Variants in KTN1 observed in about 807,000 individuals in gnomAD.
KTN1 encodes kinectin 1, also known as kinectin.
A neutral mutation model predicts 222.5 loss-of-function variants in KTN1; 130 were observed. The ratio of observed to expected loss-of-function variants is 0.58; its 90% CI spans 0.51 to 0.68. The LOEUF is 0.68. Ranked by LOEUF, KTN1 falls within the 30% of genes least tolerant of loss-of-function variation. KTN1 has a pLI of 0.00. For missense variants in KTN1, 1,508 were observed against 1,500.4 expected (o/e 1.01, Z -0.08); for synonymous variants, 512 against 496.3 (o/e 1.03, Z -0.42).
intron 12 of KTN1, among the ~76,000 whole-genome samples, chr14:55,638,957 T>C (rs2041450698): frequency 6.6e-6 from 1 of 151,840 alleles, no homozygotes. Flanking sequence ...TCAACTTGTT[T>C]TATTCTAAAT....
intron 31 of KTN1, among the ~76,000 whole-genome samples, chr14:55,660,333 G>C (rs952541551): frequency 6.7e-6 from 1 of 149,700 alleles, no homozygotes; most frequent in Non-Finnish European, 1.5e-5. Flanking sequence ...CTCCAGCCTG[G>C]CACCAAGAAA....
chr14:55,653,742 G>T (rs376855978), intron 28 of KTN1, 146 bp downstream of exon 28: 45 of 563,662 alleles, frequency 8.0e-5, no homozygotes, highest in African/African-American at 6.8e-4. Flanking sequence ...AATAGGCTAA[G>T]TCTCTGTTGG....
chr14:55,675,286 T>C (rs1444178193), intron 40 of KTN1: 1 of 152,262 alleles, frequency 6.6e-6, no homozygotes, highest in Non-Finnish European at 1.5e-5. Flanking sequence ...GGGTTATTCA[T>C]AGGTATATCG....
intron 43 of KTN1, 98 bp from the exon 44 acceptor site, chr14:55,684,001 C>T: frequency 2.0e-6 from 2 of 1,002,774 alleles, no homozygotes; most frequent in South Asian, 1.6e-5. Context: ...CATGCTAGAT[C>T]AAATGGAATA....
intron 1 of KTN1, among the ~76,000 whole-genome samples, chr14:55,607,138 T>C (rs1469250228): frequency 6.6e-6 from 1 of 152,194 alleles, no homozygotes; most frequent in African/African-American, 2.4e-5. Context: ...TTCTTTGTTA[T>C]ATTAATATAA....
chr14:55,667,955 G>A (rs1338921208), intron 34 of KTN1: 10 of 150,472 alleles, frequency 6.6e-5, no homozygotes. Flanking sequence ...GTAGAGAGAC[G>A]AGCATAATGA....
chr14:55,665,641 A>G (rs1055328496), intron 33 of KTN1, among the ~76,000 whole-genome samples: 77 of 152,178 alleles, frequency 5.1e-4, no homozygotes, highest in African/African-American at 1.7e-3. Flanking sequence ...AGGATGATAT[A>G]TGCTGTCTTT....
At position 55,646,982 on chromosome 14, in the gene KTN1, G is replaced by C; in HGVS notation, c.2182G>C (p.Asp728His). The change falls in exon 19 of 44, where the codon GAT (aspartate) becomes CAT (histidine). Residue 728 changes from aspartate to histidine, a missense_variant. By Grantham distance (81) the Asp-to-His change is moderately conservative (BLOSUM62 -1). Coordinates refer to ENST00000395314, the MANE Select transcript of KTN1 (RefSeq NM_001079521.2). The stretch of plus-strand genomic sequence containing the variant: ...GTGATTTTTATTTTAGCCTAATAAG[G>C]ATGTTGTGGAACAAATGGAAAAATG... ...QTLVSEQPNKDVVEQMEKCIQ... is the reference protein window; with the variant it reads ...QTLVSEQPNKHVVEQMEKCIQ... The C allele has an allele frequency of 2.0e-6, 3 of 1,534,610 alleles. No homozygotes were observed. Among genetic ancestry groups the C allele is most frequent in the Non-Finnish European group, 2.7e-6 (3 of 1,110,844 alleles).
intron 1 of KTN1, among the ~76,000 whole-genome samples, chr14:55,609,539 T>A (rs1462383953): frequency 6.6e-6 from 1 of 152,116 alleles, no homozygotes; most frequent in African/African-American, 2.4e-5. Context: ...AACTAGAAAA[T>A]CATTAAAACA....
intron 29 of KTN1, among the ~76,000 whole-genome samples, chr14:55,656,689 A>T (rs2043514895): frequency 6.6e-6 from 1 of 151,498 alleles, no homozygotes; most frequent in African/African-American, 2.4e-5. Context: ...CTGGTCTCGA[A>T]CTCCTGACCT....
Position 55,672,609 on chromosome 14 carries a change from T to A in KTN1, c.3532-21T>A, listed in dbSNP as rs760216933. 1.1e-5 allele frequency: 17 copies of A among 1,523,812 alleles called. No homozygotes were observed. In the East Asian group the frequency reaches 3.6e-4, roughly 32 times the overall value. 94.4% of individuals were successfully genotyped at this position (1,523,812 alleles called of 1,614,324 possible). The stretch of plus-strand genomic sequence containing the variant: ...TATCCTTGGTGGTTTTACTTGGCCA[T>A]GTAATTGTTTCACATTTCAGATGCA... On this transcript the variant is annotated intron_variant, in intron 37 of 43. Coordinates refer to ENST00000395314, the MANE Select transcript of KTN1 (RefSeq NM_001079521.2).
chr14:55,652,607 G>T lies in KTN1; in HGVS notation c.2604-243G>T, dbSNP rs191527940. ...GTAGAGACGGGGTTTCACCGTGTTA[G>T]CCAGGATGGTCTTGATCTCCTGACC... On this transcript the variant is annotated intron_variant, in intron 25 of 43. Coordinates refer to ENST00000395314, the MANE Select transcript of KTN1 (RefSeq NM_001079521.2). 2.0e-3 allele frequency among the ~76,000 whole-genome samples: 298 copies of T among 152,218 alleles called. 2 individuals carry two copies. The highest frequency in any genetic ancestry group is 9.7e-3 in the East Asian group (50 of 5,172).
At position 55,664,031 on chromosome 14, in the gene KTN1, A is replaced by G. The variant is rs1198131107; in HGVS notation, c.3167A>G (p.Lys1056Arg). ...TEKMLQDKVN[K>R]TSKERQQQVE... ...AAAATGCTGCAGGACAAAGTGAACA[A>G]GACTTCCAAGGTTGTAATGCTAACT... The change falls in exon 33 of 44, where the codon AAG (lysine) becomes AGG (arginine). Residue 1056 changes from lysine (K) to arginine (R), a missense_variant. By Grantham distance (26) the Lys-to-Arg change is conservative. Coordinates refer to ENST00000395314, the MANE Select transcript of KTN1 (RefSeq NM_001079521.2). 6.2e-7 allele frequency: 1 copy of G among 1,609,038 alleles called. No homozygotes were observed.
Position 55,684,453 on chromosome 14 carries a change from C to G in KTN1, c.*350C>G, listed in dbSNP as rs1165882799. On this transcript the variant is annotated 3_prime_UTR_variant, in exon 44 of 44. Coordinates refer to ENST00000395314, the MANE Select transcript of KTN1 (RefSeq NM_001079521.2). Reference sequence around the variant, plus strand: ...TTAACATTTTAATACTGATGTTGTACACTGTTTTACTTAACATTTTGGGAA... The same window carrying G: ...TTAACATTTTAATACTGATGTTGTAGACTGTTTTACTTAACATTTTGGGAA... 1 of 239,526 alleles carries G rather than the reference C, an allele frequency of 4.2e-6. No homozygotes were observed. Among genetic ancestry groups the G allele is most frequent in the African/African-American group, 2.2e-5 (1 of 45,350 alleles). The allele number at this position is 239,526 out of a possible 1,614,324, so 14.8% of individuals were successfully genotyped here. A position where few individuals can be genotyped will look rare whatever the true frequency, so the allele number is the denominator to read the frequency against.
chr14:55,676,418 T>C (rs1015777009), intron 41 of KTN1, among the ~76,000 whole-genome samples: 6 of 152,208 alleles, frequency 3.9e-5, no homozygotes, highest in African/African-American at 1.4e-4. Context: ...TTATTTGTAA[T>C]TCTGTTTTGA....
rs71448461 is a variant in KTN1, at chr14:55,631,341, G to GAGATAGATATATATATATATATATAT, written c.1221+1245_1221+1246insGATAGATATATATATATATATATATA. On this transcript the variant is annotated intron_variant, in intron 7 of 43. Coordinates refer to ENST00000395314, the MANE Select transcript of KTN1 (RefSeq NM_001079521.2). Reference sequence around the variant, plus strand: ...CTAAAACTCACCTATTGATAAGGTTGATATATATATATATATATATATATA... The same window carrying GAGATAGATATATATATATATATATAT: ...CTAAAACTCACCTATTGATAAGGTTGAGATAGATATATATATATATATATATATATATATATATATATATATATATA... Among the ~76,000 whole-genome samples the GAGATAGATATATATATATATATATAT allele has an allele frequency of 1.0e-3, 118 of 114,684 alleles. 1 individual carries two copies. The highest frequency in any genetic ancestry group is 1.7e-3 in the Non-Finnish European group (101 of 57,824). 75.2% of individuals were successfully genotyped at this position (114,684 alleles called of 152,430 possible). A position where few individuals can be genotyped will look rare whatever the true frequency, so the allele number is the denominator to read the frequency against.
intron 18 of KTN1, among the ~76,000 whole-genome samples, chr14:55,643,954 A>G (rs2042044775): frequency 6.6e-6 from 1 of 152,148 alleles, no homozygotes; most frequent in Non-Finnish European, 1.5e-5. Context: ...TTATAGCCAC[A>G]TTTTTTGATT....
chr14:55,582,734 G>A (rs938932962), intron 1 of KTN1, among the ~76,000 whole-genome samples: 2 of 152,230 alleles, frequency 1.3e-5, no homozygotes, highest in East Asian at 3.9e-4. Context: ...AACTTAAGTG[G>A]TTCTAGGAAG....
At chr14:55,624,299 T>C (rs2039520044) in intron 5 of KTN1, among the ~76,000 whole-genome samples, 1 of 152,152 alleles carries the variant, frequency 6.6e-6, no homozygotes, top group Admixed American at 6.5e-5. Context: ...AAGACGACTT[T>C]AGAGCAAGGG....
Sources: allele counts gnomAD v4.1 joint callset (sites outside exome capture counted in the v4.1 genomes callset), GRCh38; gene constraint gnomAD v4.1.1; transcripts MANE v1.5; gene names NCBI Gene and HGNC (gene_info 2026-07-23, HGNC 2026-07-21).